Variants in PRKCH observed in about 807,000 individuals in gnomAD.
The protein encoded by PRKCH is protein kinase C eta.
Under a neutral mutation model 82.5 loss-of-function variants are expected in PRKCH, and 28 were observed. The observed-to-expected ratio is 0.34, with a 90% CI of 0.25 to 0.47. PRKCH has a LOEUF of 0.47. Among genes scored for constraint, PRKCH ranks in the 20% least tolerant of loss-of-function variants. The pLI, the probability that PRKCH is intolerant of heterozygous loss-of-function variation, is 1.00. For missense variants in PRKCH, 705 were observed against 881.8 expected, an observed-to-expected ratio of 0.80 and a Z score of 2.54; for synonymous variants, 322 against 327.4, an observed-to-expected ratio of 0.98 and a Z score of 0.18.
chr14:61,281,332 G>A (rs975422122), intron 1 of PRKCH: 3 of 372,364 alleles, frequency 8.1e-6, no homozygotes, highest in African/African-American at 6.4e-5. Flanking sequence ...CAGGCCCTAC[G>A]AGCAGTGCCC....
At chr14:61,505,189 C>T (rs1260201933) in intron 10 of PRKCH, among the ~76,000 whole-genome samples, 1 of 152,074 alleles carries the variant, frequency 6.6e-6, no homozygotes, top group Non-Finnish European at 1.5e-5. Flanking sequence ...TGACAGAACA[C>T]TATCGATTGG....
At position 61,210,375 on chromosome 14, in the gene PRKCH, C is replaced by T. The variant is rs2044565333; in HGVS notation, c.-19+22707C>T. Among the ~76,000 whole-genome samples the T allele has an allele frequency of 2.6e-5, 4 of 151,974 alleles. No individual in the cohort carries two copies. In the South Asian group the frequency reaches 8.3e-4, roughly 32 times the overall value. ...AGGACGTACAGCTTGGTGAGTAAAG[C>T]ACATGTTGCATTCCAGCTTCCACTT... On this transcript the variant is annotated intron_variant, in intron 1 of 3. Coordinates refer to the PRKCH transcript ENST00000555185.
Position 61,280,127 on chromosome 14 carries a change from G to A in PRKCH, c.-19+92459G>A. 1 of 1,613,712 alleles carries A rather than the reference G, an allele frequency of 6.2e-7. No individual in the cohort carries two copies. Among genetic ancestry groups the A allele is most frequent in the South Asian group, 1.1e-5 (1 of 91,044 alleles). On this transcript the variant is annotated intron_variant, in intron 1 of 3. Coordinates refer to the PRKCH transcript ENST00000555185. This position sits in a 1 kb window ranked among gnomAD's most constrained non-coding sequence, Gnocchi z 5.0. ...TCGTCGTCGTCCTGGTCCTGGTAGC[G>A]AATGTAGACGACCAGCATGACAAAG...
intron 1 of PRKCH, among the ~76,000 whole-genome samples, chr14:61,264,899 G>T (rs968770697): frequency 6.6e-6 from 1 of 152,152 alleles, no homozygotes; most frequent in East Asian, 1.9e-4. Context: ...AAGAGTCCGT[G>T]CTGTTAGTGA....
At chr14:61,329,234 C>CTTGTTTTTTTTTTT (rs2045747086) in intron 1 of PRKCH, among the ~76,000 whole-genome samples, 1 of 63,468 alleles carries the variant, frequency 1.6e-5, no homozygotes, top group African/African-American at 6.8e-5. Context: ...ACTCCTGAGT[C>CTTGTTTTTTTTTTT]TTTTTTTTTT....
chr14:61,527,466 C>T (rs781477890), intron 10 of PRKCH, among the ~76,000 whole-genome samples: 1 of 152,186 alleles, frequency 6.6e-6, no homozygotes, highest in Non-Finnish European at 1.5e-5. Flanking sequence ...TTTGCTTTCA[C>T]CGAAGCCCTG....
At chr14:61,477,541 A>G (rs1487230818) in intron 9 of PRKCH, among the ~76,000 whole-genome samples, 5 of 152,232 alleles carry the variant, frequency 3.3e-5, no homozygotes, top group African/African-American at 1.2e-4. Flanking sequence ...AATAACTGCT[A>G]TAAAAAGTCT....
upstream of PRKCH, among the ~76,000 whole-genome samples, chr14:61,320,045 G>A (rs2045595742): frequency 6.6e-6 from 1 of 152,140 alleles, no homozygotes; most frequent in Non-Finnish European, 1.5e-5. Flanking sequence ...ATGAACCTGG[G>A]GCCAGGCACG....
chr14:61,242,902 C>T (rs1323689565), intron 1 of PRKCH, among the ~76,000 whole-genome samples: 1 of 152,032 alleles, frequency 6.6e-6, no homozygotes, highest in Non-Finnish European at 1.5e-5. Flanking sequence ...AGTCTATATG[C>T]CAGGCACTTT....
At chr14:61,458,774 A>AG (rs1339649158) in intron 9 of PRKCH, among the ~76,000 whole-genome samples, 1 of 152,062 alleles carries the variant, frequency 6.6e-6, no homozygotes, top group Non-Finnish European at 1.5e-5. Context: ...GAGAGAGTGA[A>AG]GGGGGAAAAG....
chr14:61,521,236 T>C (rs1858249344), intron 10 of PRKCH, among the ~76,000 whole-genome samples: 1 of 152,206 alleles, frequency 6.6e-6, no homozygotes, highest in South Asian at 2.1e-4. Flanking sequence ...ACTTTTATAA[T>C]CAAAAAAACA....
chr14:61,217,924 T>C (rs1002019499), intron 1 of PRKCH, among the ~76,000 whole-genome samples: 1 of 152,210 alleles, frequency 6.6e-6, no homozygotes, highest in Admixed American at 6.5e-5. Flanking sequence ...CAAAGACAAA[T>C]ACAGGGCCTG....
At chr14:61,226,586 C>G (rs2140056141) in intron 1 of PRKCH, among the ~76,000 whole-genome samples, 1 of 152,266 alleles carries the variant, frequency 6.6e-6, no homozygotes, top group Non-Finnish European at 1.5e-5. Flanking sequence ...TCCTTAATCA[C>G]AAAAATGTGG....
chr14:61,384,276 G>C (rs1407946022), intron 1 of PRKCH, among the ~76,000 whole-genome samples: 1 of 152,202 alleles, frequency 6.6e-6, no homozygotes, highest in Non-Finnish European at 1.5e-5. Context: ...GCCCTTTAAA[G>C]CTGGAATTGG....
intron 1 of PRKCH, among the ~76,000 whole-genome samples, chr14:61,270,430 T>A (rs945708386): frequency 1.3e-5 from 2 of 152,202 alleles, no homozygotes; most frequent in African/African-American, 4.8e-5. Context: ...TCATACAGTG[T>A]CTATACTCAC....
intron 1 of PRKCH, among the ~76,000 whole-genome samples, chr14:61,351,041 G>T (rs2046067256): frequency 6.6e-6 from 1 of 152,140 alleles, no homozygotes; most frequent in Non-Finnish European, 1.5e-5. Flanking sequence ...AGGGTCCCAG[G>T]ATACATGGGT....
At chr14:61,269,918 A>G (rs1279762365) in intron 1 of PRKCH, among the ~76,000 whole-genome samples, 2 of 152,212 alleles carry the variant, frequency 1.3e-5, no homozygotes, top group African/African-American at 2.4e-5. Flanking sequence ...TCAGGGGGCC[A>G]GGTGGCAGAG....
intron 1 of PRKCH, among the ~76,000 whole-genome samples, chr14:61,203,108 C>A (rs2044495327): frequency 6.6e-6 from 1 of 152,096 alleles, no homozygotes; most frequent in South Asian, 2.1e-4. Flanking sequence ...CGAAGTGAAA[C>A]CTGGTCCACT....
At chr14:61,263,802 A>G (rs1018715999) in intron 1 of PRKCH, among the ~76,000 whole-genome samples, 3 of 151,886 alleles carry the variant, frequency 2.0e-5, no homozygotes, top group Non-Finnish European at 4.4e-5. Flanking sequence ...AATTTAGAAT[A>G]TACGAGCAGG....
Sources: allele counts gnomAD v4.1 joint callset (sites outside exome capture counted in the v4.1 genomes callset), GRCh38; gene constraint gnomAD v4.1.1; non-coding constraint Gnocchi (gnomAD v3.1); transcripts MANE v1.5; gene names NCBI Gene and HGNC (gene_info 2026-07-23, HGNC 2026-07-21).